The following MCF2L2 variants were observed in gnomAD, a reference collection of about 807,000 sequenced individuals.
MCF2L2 encodes the protein MCF.2 cell line derived transforming sequence-like 2, also known as probable guanine nucleotide exchange factor MCF2L2.
Under a neutral mutation model 150.2 loss-of-function variants are expected in MCF2L2, and 102 were observed. The ratio of observed to expected loss-of-function variants is 0.68; its 90% CI spans 0.58 to 0.80. The LOEUF (loss-of-function observed/expected upper bound fraction) is 0.80. MCF2L2 is among the 30% of genes least tolerant of loss of function. The pLI is 0.00. For missense variants in MCF2L2, 1,256 were observed against 1,372.8 expected (o/e 0.91, Z 1.34); for synonymous variants, 465 against 491.3 (o/e 0.95, Z 0.71).
At chr3:183,311,249 T>C (rs1311463196) in intron 8 of MCF2L2, among the ~76,000 whole-genome samples, 1 of 152,224 alleles carries the variant, frequency 6.6e-6, no homozygotes, top group East Asian at 1.9e-4. Flanking sequence ...GCAGTGACTT[T>C]GCTTCAGATG....
At chr3:183,364,549 G>A (rs1205395010) in intron 3 of MCF2L2, among the ~76,000 whole-genome samples, 2 of 151,686 alleles carry the variant, frequency 1.3e-5, no homozygotes, top group Non-Finnish European at 2.9e-5. Context: ...GATAAAGGCA[G>A]AAATGAATAA....
rs1330934105 is a variant in MCF2L2 at position 183,181,583 on chromosome 3, C to A, written c.3017-1424G>T. ...ACTCCTCTTTAGAGAAGTCATCCAGCCCTGGGGTCCCCTTATGCCAGGAGC... is the reference window on the plus strand; with the variant it reads ...ACTCCTCTTTAGAGAAGTCATCCAGACCTGGGGTCCCCTTATGCCAGGAGC... On this transcript the variant is annotated intron_variant, in intron 27 of 29. Coordinates refer to ENST00000328913, the MANE Select transcript of MCF2L2 (RefSeq NM_015078.4). This position sits in a 1 kb window ranked among gnomAD's most constrained non-coding sequence, Gnocchi z 4.3. Among the ~76,000 whole-genome samples the A allele has an allele frequency of 6.6e-6, 1 of 152,128 alleles. No individual in the cohort carries two copies. The highest frequency in any genetic ancestry group is 1.5e-5 in the Non-Finnish European group (1 of 68,000).
chr3:183,276,177 G>A (rs189929402), intron 15 of MCF2L2, among the ~76,000 whole-genome samples: 21 of 152,276 alleles, frequency 1.4e-4, no homozygotes, highest in African/African-American at 2.2e-4. Context: ...TGAATACACC[G>A]TAAGTGAAAG....
intron 15 of MCF2L2, among the ~76,000 whole-genome samples, chr3:183,260,036 A>C (rs996873378): frequency 1.3e-5 from 2 of 151,986 alleles, no homozygotes; most frequent in African/African-American, 4.8e-5. Context: ...CCTCCCGATG[A>C]GAACTGCAGG....
intron 1 of MCF2L2, chr3:183,400,436 G>A (rs896444726): frequency 6.6e-6 from 3 of 456,448 alleles, no homozygotes; most frequent in Non-Finnish European, 1.3e-5. Flanking sequence ...TCCGCACCAA[G>A]GTGTAAGGTG....
intron 3 of MCF2L2, among the ~76,000 whole-genome samples, chr3:183,348,724 A>G (rs7631582): frequency 0.13 from 19,542 of 152,186 alleles, 1,337 homozygotes; most frequent in African/African-American, 0.14. Flanking sequence ...CAATGTGGCT[A>G]TGTGAATATT....
chr3:183,250,734 CG>C (rs1235583085), intron 15 of MCF2L2, among the ~76,000 whole-genome samples: 3 of 152,026 alleles, frequency 2.0e-5, no homozygotes, highest in Non-Finnish European at 4.4e-5. Context: ...AAAGAGGCGG[CG>C]GAGCCAAGGA....
At chr3:183,255,444 G>T (rs923299497) in intron 15 of MCF2L2, among the ~76,000 whole-genome samples, 1 of 152,180 alleles carries the variant, frequency 6.6e-6, no homozygotes, top group East Asian at 1.9e-4. Context: ...TACTTAACCT[G>T]CTTGTCCTTC....
rs1036695125 is a variant in MCF2L2 at position 183,267,941 on chromosome 3, C to A, written c.1862+8931G>T. On this transcript the variant is annotated intron_variant, in intron 15 of 29. Coordinates refer to ENST00000328913, the MANE Select transcript of MCF2L2 (RefSeq NM_015078.4). This position sits in a 1 kb window ranked among gnomAD's most constrained non-coding sequence, Gnocchi z 5.5. Reference sequence around the variant, plus strand: ...TGGGGAATGCCTACCAGGGGTCACACACTGAGCTGGATGCTGAGTGTAGGG... The same window carrying A: ...TGGGGAATGCCTACCAGGGGTCACAAACTGAGCTGGATGCTGAGTGTAGGG... Among the ~76,000 whole-genome samples the A allele has an allele frequency of 2.0e-5, 3 of 152,202 alleles. No individual in the cohort carries two copies. Among genetic ancestry groups the A allele is most frequent in the Non-Finnish European group, 2.9e-5 (2 of 68,032 alleles).
chr3:183,393,139 C>A (rs1714254352), intron 1 of MCF2L2, among the ~76,000 whole-genome samples: 1 of 151,640 alleles, frequency 6.6e-6, no homozygotes, highest in Non-Finnish European at 1.5e-5. Context: ...TCTGTGGAGG[C>A]TTCCTGCTTC....
chr3:183,318,106 G>A lies in MCF2L2; in HGVS notation c.715C>T (p.Leu239Phe), dbSNP rs1389590527. The change falls in exon 7 of 30, where the codon CTT (leucine) becomes TTT (phenylalanine). Residue 239 changes from leucine to phenylalanine, a missense_variant. Physicochemically the swap from Leu to Phe is conservative, Grantham distance 22. Coordinates refer to ENST00000328913, the MANE Select transcript of MCF2L2 (RefSeq NM_015078.4). ...LPRSMLSTED[L>F]LMSHTRQRDK... The stretch of plus-strand genomic sequence containing the variant: ...CGCTGCCTTGTGTGGGACATGAGAA[G>A]GTCTTCCGTGGATAGCATGCTTCTG... The A allele has an allele frequency of 6.2e-7, 1 of 1,614,172 alleles. No homozygotes were observed. Among genetic ancestry groups the A allele is most frequent in the South Asian group, 1.1e-5 (1 of 91,084 alleles).
intron 1 of MCF2L2, among the ~76,000 whole-genome samples, chr3:183,421,270 G>C (rs73186913): frequency 0.085 from 12,898 of 152,086 alleles, 569 homozygotes; most frequent in African/African-American, 0.095. Context: ...TGCTCCTCCT[G>C]TAGCTCCTCT....
rs1199328635 is a variant in MCF2L2 at position 183,300,213 on chromosome 3, C to A, written c.1114-17G>T. 3 of 1,585,650 alleles carry A rather than the reference C, an allele frequency of 1.9e-6. No homozygotes were observed. The highest frequency in any genetic ancestry group is 1.2e-5 in the South Asian group (1 of 86,936). ...CAGGGGCTCCTGCAAAGTGAACACC[C>A]ACAGCCAGGCGTCAGAAGTCAGAGC... On this transcript the variant is annotated splice_polypyrimidine_tract_variant and intron_variant, in intron 10 of 29. Transcript: ENST00000328913.
At chr3:183,411,645 A>G (rs1347570247) in intron 1 of MCF2L2, among the ~76,000 whole-genome samples, 1 of 151,402 alleles carries the variant, frequency 6.6e-6, no homozygotes, top group Non-Finnish European at 1.5e-5. Context: ...GGGAACACAC[A>G]TGAGCCTTTG....
At chr3:183,249,925 G>A (rs574093390) in intron 15 of MCF2L2, among the ~76,000 whole-genome samples, 30 of 152,276 alleles carry the variant, frequency 2.0e-4, no homozygotes, top group South Asian at 1.0e-3. Flanking sequence ...GCAAGGAGAC[G>A]GGGAGTCTCT....
intron 1 of MCF2L2, among the ~76,000 whole-genome samples, chr3:183,393,497 C>G (rs1714279699): frequency 6.6e-6 from 1 of 152,060 alleles, no homozygotes; most frequent in South Asian, 2.1e-4. Context: ...CTGGCAGAAA[C>G]TTGTCTCTTT....
At chr3:183,243,404 C>T (rs1010535685) in intron 15 of MCF2L2, among the ~76,000 whole-genome samples, 1 of 152,206 alleles carries the variant, frequency 6.6e-6, no homozygotes, top group African/African-American at 2.4e-5. Context: ...TGAGGCTGTG[C>T]ATGCACCTTT....
chr3:183,277,353 A>AAAAAGCAGGT (rs1258112074), intron 14 of MCF2L2, among the ~76,000 whole-genome samples: 12 of 150,432 alleles, frequency 8.0e-5, no homozygotes, highest in African/African-American at 3.0e-4. Flanking sequence ...AAAAAAAAAA[A>AAAAAGCAGGT]GCAGGTGTCC....
chr3:183,357,019 T>G lies in MCF2L2; in HGVS notation c.276-15389A>C, dbSNP rs73184949. Among the ~76,000 whole-genome samples the G allele has an allele frequency of 2.7e-3, 404 of 152,280 alleles. 2 individuals carry two copies. The highest frequency in any genetic ancestry group is 4.5e-3 in the Non-Finnish European group (305 of 68,024). On this transcript the variant is annotated intron_variant, in intron 3 of 29. Coordinates refer to ENST00000328913, the MANE Select transcript of MCF2L2 (RefSeq NM_015078.4). ...AGAGTTTTTGAAAAATGCACATGGC[T>G]GATAACAAATCAGTGATCTGAGATA...
Sources: allele counts gnomAD v4.1 joint callset (sites outside exome capture counted in the v4.1 genomes callset), GRCh38; gene constraint gnomAD v4.1.1; non-coding constraint Gnocchi (gnomAD v3.1); transcripts MANE v1.5; gene names NCBI Gene and HGNC (gene_info 2026-07-23, HGNC 2026-07-21).